Variants in OCA2 observed in about 807,000 individuals in gnomAD.
OCA2 encodes OCA2 melanosomal transmembrane protein.
Under a neutral mutation model 100.2 loss-of-function variants are expected in OCA2, and 77 were observed. The ratio of observed to expected loss-of-function variants is 0.77; its 90% CI spans 0.64 to 0.93. The LOEUF is 0.93. Ranked by LOEUF, OCA2 falls within the 40% of genes least tolerant of loss-of-function variation. OCA2 has a pLI of 0.00. For synonymous variants in OCA2, 432 were observed against 439.2 expected (o/e 0.98, Z 0.21); for missense variants, 1,062 against 1,089.1 (o/e 0.98, Z 0.35).
At chr15:28,052,320 T>C (rs1033932907) in intron 2 of OCA2, among the ~76,000 whole-genome samples, 3 of 152,184 alleles carry the variant, frequency 2.0e-5, no homozygotes, top group Admixed American at 1.3e-4. Flanking sequence ...ACTCCCCAAC[T>C]AATGTGATTG....
chr15:27,860,682 T>C (rs946844092), intron 21 of OCA2, among the ~76,000 whole-genome samples: 1 of 152,252 alleles, frequency 6.6e-6, no homozygotes, highest in African/African-American at 2.4e-5. Flanking sequence ...TACCACATTT[T>C]CTTTATTCAA....
intron 2 of OCA2, among the ~76,000 whole-genome samples, chr15:28,074,982 A>C (rs1206400384): frequency 1.3e-5 from 2 of 152,224 alleles, no homozygotes; most frequent in African/African-American, 4.8e-5. Flanking sequence ...TATAAGCAAA[A>C]TATAAATAAA....
In OCA2 at chr15:27,986,580, T is replaced by C; in HGVS notation, c.1239+7A>G. The C allele has an allele frequency of 3.2e-6, 5 of 1,541,650 alleles. No homozygotes were observed. Among genetic ancestry groups the C allele is most frequent in the Non-Finnish European group, 4.5e-6 (5 of 1,113,370 alleles). On this transcript the variant is annotated splice_region_variant and intron_variant, in intron 12 of 23. Transcript: ENST00000354638. ...GATAGAATTATTAAATGCAACATCA[T>C]ACCTACCTTTACAGCACAATAATCG...
At chr15:28,023,453 C>A (rs531186931) in intron 5 of OCA2, among the ~76,000 whole-genome samples, 1 of 152,162 alleles carries the variant, frequency 6.6e-6, no homozygotes, top group Non-Finnish European at 1.5e-5. Context: ...CATTCCTGCA[C>A]GCACGCAGAG....
intron 14 of OCA2, among the ~76,000 whole-genome samples, chr15:27,973,889 C>A (rs1262759510): frequency 6.6e-6 from 1 of 152,106 alleles, no homozygotes; most frequent in Non-Finnish European, 1.5e-5. Flanking sequence ...TCCTTTTAGA[C>A]ATCTTTCAAC....
At position 27,775,177 on chromosome 15, in the gene OCA2, C is replaced by T. The variant is rs143862361; in HGVS notation, c.2433-19705G>A. On this transcript the variant is annotated intron_variant, in intron 23 of 23. Transcript: ENST00000354638. ...GGCCACGTGAACCAGGAAGCTGGCC[C>T]ACACAGTAGGGTTAGCTCCGCCCCC... Among the ~76,000 whole-genome samples, 769 of 152,230 alleles carry T rather than the reference C, an allele frequency of 5.1e-3. 8 individuals carry two copies. Among genetic ancestry groups the T allele is most frequent in the African/African-American group, 0.018 (732 of 41,530 alleles).
intron 15 of OCA2, among the ~76,000 whole-genome samples, chr15:27,965,642 C>A (rs1347955657): frequency 6.6e-6 from 1 of 152,118 alleles, no homozygotes; most frequent in Admixed American, 6.5e-5. Flanking sequence ...AAAACACAGG[C>A]CAGCAGAATC....
intron 23 of OCA2, among the ~76,000 whole-genome samples, chr15:27,800,284 G>T (rs2033538918): frequency 6.6e-6 from 1 of 151,392 alleles, no homozygotes; most frequent in Non-Finnish European, 1.5e-5. Flanking sequence ...GCTTCCATCT[G>T]AAAAAACTGG....
chr15:27,858,388 G>GAAAAAAAAAAAAAAAAAAA (rs200488887), intron 21 of OCA2, among the ~76,000 whole-genome samples: 2 of 49,412 alleles, frequency 4.0e-5, no homozygotes, highest in Admixed American at 2.3e-4. Flanking sequence ...AAGAAAGAAA[G>GAAAAAAAAAAAAAAAAAAA]AAAAAAAAAA....
intron 2 of OCA2, among the ~76,000 whole-genome samples, chr15:28,068,787 T>G (rs1217468810): frequency 1.3e-5 from 2 of 152,228 alleles, no homozygotes; most frequent in Non-Finnish European, 2.9e-5. Context: ...ACTGTTTCAA[T>G]GTACACAAAT....
intron 19 of OCA2, among the ~76,000 whole-genome samples, chr15:27,875,911 A>AT (rs1567049409): frequency 1.3e-5 from 2 of 151,908 alleles, no homozygotes; most frequent in African/African-American, 2.4e-5. Context: ...GTAGTACTGG[A>AT]TTTTTTGTAG....
the OCA2 span, among the ~76,000 whole-genome samples, chr15:27,723,558 A>G: frequency 6.6e-5 from 10 of 152,070 alleles, no homozygotes; most frequent in South Asian, 1.5e-3. Flanking sequence ...AGAGGGAATC[A>G]GTGTGAAGAA....
chr15:27,861,317 C>T (rs980936203), intron 21 of OCA2, among the ~76,000 whole-genome samples: 1 of 152,102 alleles, frequency 6.6e-6, no homozygotes, highest in African/African-American at 2.4e-5. Flanking sequence ...GTTCGGGACA[C>T]GTTAAGTCTG....
chr15:27,895,197 C>T (rs2037634786), intron 19 of OCA2, among the ~76,000 whole-genome samples: 1 of 152,190 alleles, frequency 6.6e-6, no homozygotes, highest in Non-Finnish European at 1.5e-5. Context: ...AAACCTGCCA[C>T]AAAGGGTGAT....
At chr15:27,766,259 C>G (rs766983062) in intron 23 of OCA2, among the ~76,000 whole-genome samples, 1 of 152,142 alleles carries the variant, frequency 6.6e-6, no homozygotes, top group Non-Finnish European at 1.5e-5. Flanking sequence ...GTCAACATAA[C>G]ATTTTGATGG....
At chr15:27,871,370 T>C in intron 20 of OCA2, 112 bp from the exon 21 acceptor site, 1 of 773,614 alleles carries the variant, frequency 1.3e-6, no homozygotes, top group Non-Finnish European at 2.2e-6. Flanking sequence ...CTCTTACCCA[T>C]CACGAGACCA....
intron 4 of OCA2, 50 bp downstream of exon 4, chr15:28,027,821 C>A: frequency 2.5e-6 from 4 of 1,590,868 alleles, no homozygotes; most frequent in Non-Finnish European, 3.4e-6. Context: ...ATGTAGGACG[C>A]GATGTGCGGC....
chr15:27,968,318 A>G (rs2040648761), intron 14 of OCA2, among the ~76,000 whole-genome samples: 1 of 144,052 alleles, frequency 6.9e-6, no homozygotes, highest in African/African-American at 2.5e-5. Context: ...AGGGGGTCAG[A>G]GGCACAGTGA....
At chr15:28,016,713 C>A (rs2042405291) in intron 7 of OCA2, among the ~76,000 whole-genome samples, 1 of 151,994 alleles carries the variant, frequency 6.6e-6, no homozygotes, top group Non-Finnish European at 1.5e-5. Context: ...CCCAGAAGTT[C>A]CAAGTTACAG....
Sources: gnomAD v4.1 joint callset for allele counts (sites outside exome capture counted in the v4.1 genomes callset) on GRCh38, gnomAD v4.1.1 for gene constraint, MANE v1.5 for transcripts, NCBI Gene and HGNC (gene_info 2026-07-23, HGNC 2026-07-21) for gene names.